ARHGEF18: variants seen among roughly 807,000 people sequenced by gnomAD.
ARHGEF18 encodes the protein rho guanine nucleotide exchange factor 18.
In ARHGEF18, 93 loss-of-function variants were observed where a neutral mutation model predicts 155.7. The ratio of observed to expected loss-of-function variants is 0.60; its 90% CI spans 0.50 to 0.71. The LOEUF is 0.71. Ranked by LOEUF, ARHGEF18 falls within the 30% of genes least tolerant of loss-of-function variation. The pLI, the probability that ARHGEF18 is intolerant of heterozygous loss-of-function variation, is 0.00. For missense variants in ARHGEF18, 1,593 were observed against 1,816.1 expected (o/e 0.88, Z 2.23); for synonymous variants, 742 against 753.1 (o/e 0.99, Z 0.24).
rs1211062574 is a variant in ARHGEF18, at chr19:7,350,763, GGTGGGTGTGTGTGTGTGTGTGTGT to G, written c.-111+1526_-111+1549del. 3.1e-4 allele frequency among the ~76,000 whole-genome samples: 41 copies of G among 133,252 alleles called. No homozygotes were observed. In the South Asian group the frequency reaches 3.5e-3, roughly 11 times the overall value. The allele number at this position is 133,252 out of a possible 152,430, so 87.4% of individuals were successfully genotyped here. Reference sequence around the variant, plus strand: ...GTTAAAAGGCTGTTGAGTTTTTTGGGGTGGGTGTGTGTGTGTGTGTGTGTGTGTGTGTGTGTGTGTGTGTGTGTG... The same window carrying G: ...GTTAAAAGGCTGTTGAGTTTTTTGGGGTGTGTGTGTGTGTGTGTGTGTGTG... On this transcript the variant is annotated intron_variant, in intron 1 of 28. Transcript: ENST00000668164.
intron 10 of ARHGEF18, among the ~76,000 whole-genome samples, chr19:7,416,265 G>T (rs1250354009): frequency 6.6e-6 from 1 of 151,758 alleles, no homozygotes; most frequent in Non-Finnish European, 1.5e-5. Flanking sequence ...AATTAGCCAG[G>T]CATGGTGTCA....
At chr19:7,475,548 A>C (rs999263762), downstream of ARHGEF18, among the ~76,000 whole-genome samples, 2 of 149,596 alleles carry the variant, frequency 1.3e-5, no homozygotes, top group Non-Finnish European at 3.0e-5. Flanking sequence ...ACACACAACC[A>C]CACACACACA....
chr19:7,465,024 C>G (rs1976526478), intron 23 of ARHGEF18, among the ~76,000 whole-genome samples: 1 of 152,178 alleles, frequency 6.6e-6, no homozygotes, highest in Non-Finnish European at 1.5e-5. Flanking sequence ...TACCAGATGC[C>G]AGATGTCCCC....
chr19:7,458,761 C>T lies in ARHGEF18; in HGVS notation c.2360+71C>T, dbSNP rs1281451866. The T allele has an allele frequency of 2.0e-6, 3 of 1,493,324 alleles. No individual in the cohort carries two copies. In the Admixed American group the frequency reaches 6.4e-5, roughly 32 times the overall value. 92.5% of individuals were successfully genotyped at this position (1,493,324 alleles called of 1,614,324 possible). ...TGATTGGTCCACCCTTGGCTTCGAC[C>T]GTTGGCCATCAGCTGTGACCTTGAA... On this transcript the variant is annotated intron_variant, in intron 19 of 28. Coordinates refer to ENST00000668164, the MANE Select transcript of ARHGEF18 (RefSeq NM_001367823.1).
At chr19:7,451,356 G>A (rs2145834969) in intron 16 of ARHGEF18, 90 bp downstream of exon 16, 1 of 1,040,932 alleles carries the variant, frequency 9.6e-7, no homozygotes, top group South Asian at 1.5e-5. Flanking sequence ...GCAGCAAACT[G>A]AATAAATTCC....
chr19:7,383,426 G>A (rs540533456), intron 10 of ARHGEF18: 21 of 421,922 alleles, frequency 5.0e-5, no homozygotes, highest in African/African-American at 1.8e-4. Context: ...CAGCTTTTGC[G>A]ATTGTGGGAA....
intron 10 of ARHGEF18, among the ~76,000 whole-genome samples, chr19:7,384,937 C>A (rs144064924): frequency 2.7e-4 from 41 of 152,186 alleles, no homozygotes; most frequent in African/African-American, 9.4e-4. Context: ...TCAAGCGATC[C>A]TCCCGCCTCA....
chr19:7,415,580 C>T (rs1453449268), intron 10 of ARHGEF18, among the ~76,000 whole-genome samples: 1 of 152,076 alleles, frequency 6.6e-6, no homozygotes, highest in Non-Finnish European at 1.5e-5. Context: ...GGCAGAACCT[C>T]CTGGAATAAG....
Position 7,467,296 on chromosome 19 carries a change from C to T in ARHGEF18, c.3092C>T (p.Ser1031Leu), listed in dbSNP as rs773941876. 1 of 1,544,004 alleles carries T rather than the reference C, an allele frequency of 6.5e-7. No individual in the cohort carries two copies. The highest frequency in any genetic ancestry group is 8.7e-7 in the Non-Finnish European group (1 of 1,148,436). The change falls in exon 26 of 29, where the codon TCG becomes TTG. Residue 1031 changes from serine to leucine, a missense_variant. Physicochemically the swap from Ser to Leu is moderately radical, Grantham distance 145. Transcript: ENST00000668164. The stretch of plus-strand genomic sequence containing the variant: ...CGGGAGAAGCAGTTCCGGCTGCAGT[C>T]GACGCGTGGGAACCTGCTGCTGGAG... ...QEREKQFRLQ[S>L]TRGNLLLEQE...
At chr19:7,445,602 A>C (rs540195560) in intron 14 of ARHGEF18, among the ~76,000 whole-genome samples, 7 of 152,178 alleles carry the variant, frequency 4.6e-5, no homozygotes, top group African/African-American at 1.2e-4. Flanking sequence ...AACTAATTAG[A>C]AGAACACTCC....
chr19:7,476,061 T>C (rs1189303239), downstream of ARHGEF18, among the ~76,000 whole-genome samples: 1 of 152,034 alleles, frequency 6.6e-6, no homozygotes, highest in Non-Finnish European at 1.5e-5. Flanking sequence ...AAACCACAAA[T>C]GTACTCTGGG....
At chr19:7,451,022 T>C (rs200750320) in intron 15 of ARHGEF18, 127 bp from the exon 16 acceptor site, 614 of 455,676 alleles carry the variant, frequency 1.3e-3, no homozygotes, top group African/African-American at 8.8e-3. Context: ...GATGTTAATA[T>C]GGGATCTTGC....
Position 7,378,580 on chromosome 19 carries a change from T to TAGTC in ARHGEF18, c.599+130_599+133dup, listed in dbSNP as rs1010520150. On this transcript the variant is annotated intron_variant, in intron 6 of 28. Transcript: ENST00000668164. ...TGACCAGGGCCAGACACCATCCCAC[T>TAGTC]AGTCCCCCCATAACCTCATCTTTCT... 7.4e-5 allele frequency: 48 copies of TAGTC among 651,564 alleles called. No homozygotes were observed. In the African/African-American group the frequency reaches 8.5e-4, roughly 12 times the overall value. The allele number at this position is 651,564 out of a possible 1,614,324, so 40.4% of individuals were successfully genotyped here. A position where few individuals can be genotyped will look rare whatever the true frequency, so the allele number is the denominator to read the frequency against.
downstream of ARHGEF18, chr19:7,473,054 C>T (rs867537018): frequency 5.0e-5 from 23 of 456,120 alleles, no homozygotes; most frequent in Middle Eastern, 5.5e-3. Flanking sequence ...GCTTTGGTGG[C>T]GCCTCCACGA....
intron 26 of ARHGEF18, 116 bp downstream of exon 26, chr19:7,467,800 C>A: frequency 9.7e-7 from 1 of 1,036,070 alleles, no homozygotes; most frequent in Non-Finnish European, 1.3e-6. Flanking sequence ...AGTGTAAGAG[C>A]AAACGGCACA....
Position 7,471,509 on chromosome 19 carries a change from C to T in ARHGEF18, c.*1211C>T, listed in dbSNP as rs1977018639. 6.6e-6 allele frequency: 1 copy of T among 152,272 alleles called. No individual in the cohort carries two copies. The highest frequency in any genetic ancestry group is 2.4e-5 in the African/African-American group (1 of 41,456). The allele number at this position is 152,272 out of a possible 1,614,324, so 9.4% of individuals were successfully genotyped here. On this transcript the variant is annotated 3_prime_UTR_variant, in exon 29 of 29. Coordinates refer to ENST00000668164, the MANE Select transcript of ARHGEF18 (RefSeq NM_001367823.1). This position sits in a 1 kb window ranked among gnomAD's most constrained non-coding sequence, Gnocchi z 4.4. The stretch of plus-strand genomic sequence containing the variant: ...TAGGACTGGGTCCTGGCTGATCGTC[C>T]TTGTTCCCAGTGGGGTACATGTGAG...
intron 10 of ARHGEF18, among the ~76,000 whole-genome samples, chr19:7,433,844 A>C (rs895071073): frequency 2.0e-5 from 3 of 151,610 alleles, no homozygotes; most frequent in African/African-American, 7.3e-5. Flanking sequence ...ACGTGGAGAA[A>C]CCCTATCTCT....
chr19:7,451,379 G>A, intron 16 of ARHGEF18, 113 bp downstream of exon 16: 1 of 717,480 alleles, frequency 1.4e-6, no homozygotes, highest in Non-Finnish European at 2.2e-6. Context: ...TTGAAATCCA[G>A]TTTGCTGGGT....
intron 2 of ARHGEF18, among the ~76,000 whole-genome samples, chr19:7,370,253 T>C (rs1970139952): frequency 6.6e-6 from 1 of 151,980 alleles, no homozygotes; most frequent in Admixed American, 6.6e-5. Flanking sequence ...CCCAGCACTT[T>C]GGGAGGCCAA....
Sources: allele counts gnomAD v4.1 joint callset (sites outside exome capture counted in the v4.1 genomes callset), GRCh38; gene constraint gnomAD v4.1.1; non-coding constraint Gnocchi (gnomAD v3.1); transcripts MANE v1.5; gene names NCBI Gene and HGNC (gene_info 2026-07-23, HGNC 2026-07-21).